The following RAB11B variants were observed in gnomAD, a reference collection of about 807,000 sequenced individuals.
RAB11B encodes RAB11B, member RAS oncogene family, also known as ras-related protein Rab-11B.
In RAB11B, 7 loss-of-function variants were observed where a neutral mutation model predicts 23.7. That is an observed-to-expected ratio of 0.29 (90% CI 0.17 to 0.55). RAB11B has a LOEUF of 0.55. Among genes scored for constraint, RAB11B ranks in the 20% least tolerant of loss-of-function variants. RAB11B has a pLI of 0.93. For missense variants in RAB11B, 189 were observed against 320.0 expected, an observed-to-expected ratio of 0.59 and a Z score of 3.12; for synonymous variants, 138 against 132.0, an observed-to-expected ratio of 1.05 and a Z score of -0.31.
At position 8,403,628 on chromosome 19, in the gene RAB11B, C is replaced by T; in HGVS notation, c.*70C>T. 6.5e-7 allele frequency: 1 copy of T among 1,540,660 alleles called. No homozygotes were observed. The highest frequency in any genetic ancestry group is 8.8e-7 in the Non-Finnish European group (1 of 1,139,076). On this transcript the variant is annotated 3_prime_UTR_variant, in exon 5 of 5. Transcript: ENST00000328024. Reference sequence around the variant, plus strand: ...CCCGCCACGGTATCCTCTGGCCCCTCCCTGCTGTCCCTCTGTGGCCGGCTC... The same window carrying T: ...CCCGCCACGGTATCCTCTGGCCCCTTCCTGCTGTCCCTCTGTGGCCGGCTC...
chr19:8,391,688 A>AT (rs1047879092), intron 1 of RAB11B, among the ~76,000 whole-genome samples: 6 of 152,106 alleles, frequency 3.9e-5, no homozygotes, highest in Non-Finnish European at 1.5e-5. Context: ...TGCGTCGCAC[A>AT]TCAGCTGTTG....
At chr19:8,397,972 G>A (rs1313837188) in intron 1 of RAB11B, among the ~76,000 whole-genome samples, 7 of 152,134 alleles carry the variant, frequency 4.6e-5, no homozygotes, top group African/African-American at 1.4e-4. Flanking sequence ...CACACTTGGG[G>A]GTCCACGGGG....
rs1166288353 is a variant in RAB11B, at chr19:8,402,210, C to T, written c.361C>T (p.Leu121=). 3 of 1,582,688 alleles carry T rather than the reference C, an allele frequency of 1.9e-6. No individual in the cohort carries two copies. Among genetic ancestry groups the T allele is most frequent in the Non-Finnish European group, 2.6e-6 (3 of 1,164,626 alleles). ...CGCAGACAGCAACATCGTCATCATG[C>T]TGGTGGGCAACAAGAGTGACCTGCG... ...DHADSNIVIM[L]VGNKSDLRHL... is the part of the protein sequence containing the mutation. Residue 121 remains leucine, a synonymous_variant, in exon 3 of 5, where the codon CTG becomes TTG. Transcript: ENST00000328024.
At chr19:8,391,655 C>G (rs1054113853) in intron 1 of RAB11B, among the ~76,000 whole-genome samples, 1 of 152,198 alleles carries the variant, frequency 6.6e-6, no homozygotes, top group Non-Finnish European at 1.5e-5. Flanking sequence ...TGCCTTCACC[C>G]TGCGGCCTGC....
intron 1 of RAB11B, among the ~76,000 whole-genome samples, chr19:8,391,861 A>T (rs1259069605): frequency 3.3e-5 from 5 of 151,000 alleles, no homozygotes; most frequent in African/African-American, 1.2e-4. Flanking sequence ...TTCCGGGGGG[A>T]GGGAGAGGAA....
At chr19:8,403,320 G>A in intron 4 of RAB11B, 93 bp from the exon 5 acceptor site, 1 of 1,494,688 alleles carries the variant, frequency 6.7e-7, no homozygotes, top group Non-Finnish European at 9.1e-7. Context: ...TGGGGGTCTG[G>A]AGAGGGCCTC....
chr19:8,396,985 CT>C lies in RAB11B; in HGVS notation c.41-2877del, dbSNP rs1006395590. 2.6e-5 allele frequency among the ~76,000 whole-genome samples: 4 copies of C among 152,204 alleles called. No individual in the cohort carries two copies. Among genetic ancestry groups the C allele is most frequent in the African/African-American group, 9.7e-5 (4 of 41,444 alleles). The stretch of plus-strand genomic sequence containing the variant: ...CAGGGAGACATGGTGGGGTGCACCC[CT>C]CGTCCTCCCTTCTCTTGGATCTGTT... On this transcript the variant is annotated intron_variant, in intron 1 of 4. Coordinates refer to ENST00000328024, the MANE Select transcript of RAB11B (RefSeq NM_004218.4). This position sits in a 1 kb window ranked among gnomAD's most constrained non-coding sequence, Gnocchi z 5.0.
At chr19:8,392,685 CTTTTTTTTTTTT>C (rs74176644) in intron 1 of RAB11B, among the ~76,000 whole-genome samples, 6 of 79,666 alleles carry the variant, frequency 7.5e-5, no homozygotes, top group African/African-American at 2.5e-4. Context: ...TTTTTCTTTT[CTTTTTTTTTTTT>C]TTTTTTTTTT....
chr19:8,400,926 C>G (rs148815787), intron 2 of RAB11B, among the ~76,000 whole-genome samples: 1 of 144,360 alleles, frequency 6.9e-6, no homozygotes, highest in African/African-American at 2.6e-5. Flanking sequence ...GGGTCTTGCT[C>G]TGTCGCCCAG....
intron 1 of RAB11B, among the ~76,000 whole-genome samples, chr19:8,398,018 T>G (rs1050247534): frequency 6.6e-6 from 1 of 152,094 alleles, no homozygotes; most frequent in Non-Finnish European, 1.5e-5. Flanking sequence ...TGTATTCAAG[T>G]GCACACACAC....
At chr19:8,401,704 T>A (rs1971438926) in intron 2 of RAB11B, among the ~76,000 whole-genome samples, 1 of 151,802 alleles carries the variant, frequency 6.6e-6, no homozygotes, top group African/African-American at 2.4e-5. Flanking sequence ...GTTTTTCTAG[T>A]AGAGATGGGG....
At chr19:8,400,813 C>T (rs956215755) in intron 2 of RAB11B, among the ~76,000 whole-genome samples, 2 of 151,982 alleles carry the variant, frequency 1.3e-5, no homozygotes, top group African/African-American at 4.8e-5. Flanking sequence ...CTCAAACTCC[C>T]GCCCTCAGGT....
At chr19:8,395,751 T>C (rs1971392240) in intron 1 of RAB11B, among the ~76,000 whole-genome samples, 1 of 152,182 alleles carries the variant, frequency 6.6e-6, no homozygotes, top group Non-Finnish European at 1.5e-5. Context: ...GGGGACAGGC[T>C]GCCCTATGCG....
chr19:8,402,470 T>G lies in RAB11B; in HGVS notation c.431-15T>G. The G allele has an allele frequency of 6.2e-7, 1 of 1,610,452 alleles. No individual in the cohort carries two copies. Among genetic ancestry groups the G allele is most frequent in the Non-Finnish European group, 8.5e-7 (1 of 1,176,710 alleles). The stretch of plus-strand genomic sequence containing the variant: ...CCTGCCTCCCCACTCACCTAGGCAG[T>G]ATTCTTTGTTCCAGAAAAGAACAAC... On this transcript the variant is annotated splice_polypyrimidine_tract_variant and intron_variant, in intron 3 of 4. Coordinates refer to ENST00000328024, the MANE Select transcript of RAB11B (RefSeq NM_004218.4).
rs920560749 is a variant in RAB11B, at chr19:8,390,427, G to A, written c.11G>A (p.Arg4Gln). The A allele has an allele frequency of 1.3e-6, 2 of 1,526,572 alleles. No individual in the cohort carries two copies. Among genetic ancestry groups the A allele is most frequent in the Non-Finnish European group, 1.8e-6 (2 of 1,141,524 alleles). The allele number at this position is 1,526,572 out of a possible 1,614,324, so 94.6% of individuals were successfully genotyped here. A position where few individuals can be genotyped will look rare whatever the true frequency, so the allele number is the denominator to read the frequency against. Residue 4 changes from arginine (R) to glutamine (Q), a missense_variant, in exon 1 of 5, where the codon CGG (arginine) becomes CAG (glutamine). Coordinates refer to ENST00000328024, the MANE Select transcript of RAB11B (RefSeq NM_004218.4). ...GGAAGCGCCAGGACAATGGGGACCC[G>A]GGACGACGAGTACGACTACCTATTC... MGT[R>Q]DDEYDYLFKV...
intron 2 of RAB11B, among the ~76,000 whole-genome samples, chr19:8,400,915 A>G (rs1305831946): frequency 1.4e-5 from 2 of 144,268 alleles, no homozygotes; most frequent in African/African-American, 5.2e-5. Context: ...GGAGACAGAC[A>G]GGGTCTTGCT....
chr19:8,402,545 C>G lies in RAB11B; in HGVS notation c.491C>G (p.Ala164Gly). The G allele has an allele frequency of 1.9e-6, 3 of 1,613,478 alleles. No homozygotes were observed. The highest frequency in any genetic ancestry group is 1.1e-5 in the South Asian group (1 of 91,080). ...SALDSTNVEE[A>G]FKNILTEIYR... is the part of the protein sequence containing the mutation. ...TTGGATTCCACTAACGTAGAGGAAG[C>G]ATTCAAGAACATCCTCACAGGTGGC... Residue 164 changes from alanine (A) to glycine (G), a missense_variant, in exon 4 of 5, where the codon GCA becomes GGA. Physicochemically the swap from Ala to Gly is moderately conservative, Grantham distance 60. Around this residue, in one of 5 missense-constraint regions of RAB11B, gnomAD observed 122 missense variants for 170.8 expected, o/e 0.71. Coordinates refer to ENST00000328024, the MANE Select transcript of RAB11B (RefSeq NM_004218.4).
At chr19:8,401,942 C>A (rs1971440886) in intron 2 of RAB11B, 144 bp from the exon 3 acceptor site, 1 of 779,064 alleles carries the variant, frequency 1.3e-6, no homozygotes, top group Non-Finnish European at 2.0e-6. Flanking sequence ...TCCAGACACA[C>A]ACCCTTCCCT....
In RAB11B at chr19:8,400,068, G is replaced by C. The variant is rs1411617232; in HGVS notation, c.236+10G>C. The C allele has an allele frequency of 6.2e-7, 1 of 1,605,792 alleles. No individual in the cohort carries two copies. The highest frequency in any genetic ancestry group is 1.7e-5 in the Admixed American group (1 of 59,868). On this transcript the variant is annotated intron_variant, in intron 2 of 4. Coordinates refer to ENST00000328024, the MANE Select transcript of RAB11B (RefSeq NM_004218.4). ...GCGCCATCACCTCCGCGTGCGTGTC[G>C]GCAGCCTGGGCAGGGACGCTGAGAT... is the stretch of plus-strand genomic sequence containing the variant.
Sources: gnomAD v4.1 joint callset for allele counts (sites outside exome capture counted in the v4.1 genomes callset) on GRCh38, gnomAD v4.1.1 for gene constraint, gnomAD v4.1.1 regional missense constraint, Gnocchi (gnomAD v3.1) non-coding constraint, MANE v1.5 for transcripts, NCBI Gene and HGNC (gene_info 2026-07-23, HGNC 2026-07-21) for gene names.